The following DLC1 variants were observed in gnomAD, a reference collection of about 807,000 sequenced individuals.
DLC1 encodes the protein DLC1 Rho GTPase activating protein.
A neutral mutation model predicts 140.3 loss-of-function variants in DLC1; 54 were observed. The ratio of observed to expected loss-of-function variants is 0.38; its 90% CI spans 0.31 to 0.48. The LOEUF is 0.48. DLC1 is among the 20% of genes least tolerant of loss of function. The pLI is 0.96. For synonymous variants in DLC1, 986 were observed against 728.1 expected, an observed-to-expected ratio of 1.35 and a Z score of -5.70; for missense variants, 2,536 against 1,907.0, an observed-to-expected ratio of 1.33 and a Z score of -6.14.
At chr8:13,287,534 G>A (rs1831575910) in intron 5 of DLC1, among the ~76,000 whole-genome samples, 1 of 152,156 alleles carries the variant, frequency 6.6e-6, no homozygotes, top group Non-Finnish European at 1.5e-5. Flanking sequence ...ACTGTTTTGT[G>A]AAGTTTAAAA....
intron 5 of DLC1, among the ~76,000 whole-genome samples, chr8:13,202,529 C>T (rs951445324): frequency 6.6e-6 from 1 of 152,170 alleles, no homozygotes; most frequent in Non-Finnish European, 1.5e-5. Context: ...TGCAGAATTT[C>T]TAAGCCTGCC....
intron 2 of DLC1, among the ~76,000 whole-genome samples, chr8:13,411,389 A>G (rs945004175): frequency 6.6e-6 from 1 of 152,178 alleles, no homozygotes; most frequent in African/African-American, 2.4e-5. Flanking sequence ...AAGGCTACCA[A>G]GAAGGAAGGG....
intron 3 of DLC1, among the ~76,000 whole-genome samples, chr8:13,398,021 C>T (rs1837125413): frequency 1.6e-5 from 2 of 128,286 alleles, no homozygotes; most frequent in South Asian, 5.1e-4. Flanking sequence ...ATCACAGCTA[C>T]TTGGGAGGCT....
chr8:13,347,268 C>T (rs920801206), intron 4 of DLC1, among the ~76,000 whole-genome samples: 2 of 152,152 alleles, frequency 1.3e-5, no homozygotes. Context: ...CTTTCTAGTC[C>T]ATATCTCTAT....
chr8:13,188,270 A>G (rs766784283), intron 5 of DLC1, among the ~76,000 whole-genome samples: 4 of 151,124 alleles, frequency 2.6e-5, no homozygotes, highest in Non-Finnish European at 4.4e-5. Context: ...TTAGTAGAGA[A>G]GGGGTTTCAC....
intron 4 of DLC1, among the ~76,000 whole-genome samples, chr8:13,381,096 G>A (rs892188284): frequency 6.6e-6 from 1 of 152,178 alleles, no homozygotes; most frequent in Non-Finnish European, 1.5e-5. Context: ...GACCTGGCTT[G>A]TTGGGGTGTC....
chr8:13,141,128 G>A (rs1289005634), intron 5 of DLC1, among the ~76,000 whole-genome samples: 2 of 151,944 alleles, frequency 1.3e-5, no homozygotes, highest in Non-Finnish European at 2.9e-5. Flanking sequence ...GGTGGCGCAT[G>A]CCTGTAATTC....
chr8:13,555,931 G>T (rs775223691), intron 1 of DLC1, among the ~76,000 whole-genome samples: 1 of 152,018 alleles, frequency 6.6e-6, no homozygotes, highest in Admixed American at 6.6e-5. Context: ...TAAAGGTTTT[G>T]TAATACTAAC....
At chr8:13,501,059 T>A (rs900213375) in intron 1 of DLC1, among the ~76,000 whole-genome samples, 1 of 152,182 alleles carries the variant, frequency 6.6e-6, no homozygotes, top group African/African-American at 2.4e-5. Flanking sequence ...CCCACATAAC[T>A]TTAGTATGTG....
At chr8:13,266,729 A>G (rs888254383) in intron 5 of DLC1, among the ~76,000 whole-genome samples, 2 of 152,156 alleles carry the variant, frequency 1.3e-5, no homozygotes, top group Admixed American at 1.3e-4. Context: ...TGGGCAATAG[A>G]GAAAGACTTA....
intron 5 of DLC1, among the ~76,000 whole-genome samples, chr8:13,301,111 G>A (rs1042571458): frequency 2.0e-5 from 3 of 151,992 alleles, no homozygotes; most frequent in African/African-American, 7.3e-5. Flanking sequence ...GGATACAGGA[G>A]GATAATGGAA....
chr8:13,091,684 G>C (rs1432456771), intron 13 of DLC1, among the ~76,000 whole-genome samples: 2 of 152,070 alleles, frequency 1.3e-5, no homozygotes, highest in Non-Finnish European at 2.9e-5. Context: ...AATTAAATAG[G>C]TTCCTACTGG....
chr8:13,507,912 T>A (rs1802174012), intron 1 of DLC1, among the ~76,000 whole-genome samples: 1 of 152,172 alleles, frequency 6.6e-6, no homozygotes. Context: ...AAGAAATAGG[T>A]ACCCAGCTGA....
chr8:13,408,961 C>CA (rs1271709511), intron 2 of DLC1, among the ~76,000 whole-genome samples: 5 of 151,450 alleles, frequency 3.3e-5, no homozygotes, highest in Non-Finnish European at 5.9e-5. Flanking sequence ...CCATGAACAA[C>CA]AAAAAAAGAC....
chr8:13,314,759 A>G (rs531968259), intron 4 of DLC1, among the ~76,000 whole-genome samples: 1 of 152,348 alleles, frequency 6.6e-6, no homozygotes, highest in African/African-American at 2.4e-5. Flanking sequence ...CTTAAATGAT[A>G]TACATAAATC....
At chr8:13,232,981 T>C (rs531799298) in intron 5 of DLC1, among the ~76,000 whole-genome samples, 1 of 152,268 alleles carries the variant, frequency 6.6e-6, no homozygotes, top group Admixed American at 6.5e-5. Flanking sequence ...ACAAAAGGAA[T>C]CATTAAAAAT....
intron 1 of DLC1, among the ~76,000 whole-genome samples, chr8:13,588,226 A>G (rs1464027586): frequency 6.6e-6 from 1 of 152,140 alleles, no homozygotes; most frequent in East Asian, 1.9e-4. Context: ...TTAAAAAAAT[A>G]GACAAACCCT....
intron 4 of DLC1, among the ~76,000 whole-genome samples, chr8:13,380,198 C>T (rs1354285930): frequency 6.6e-6 from 1 of 152,158 alleles, no homozygotes; most frequent in African/African-American, 2.4e-5. Flanking sequence ...GTCATAAAGA[C>T]CACAAATAAG....
chr8:13,258,136 G>C (rs1186134416), intron 5 of DLC1, among the ~76,000 whole-genome samples: 1 of 152,080 alleles, frequency 6.6e-6, no homozygotes, highest in Non-Finnish European at 1.5e-5. Flanking sequence ...CAAGTGCAAG[G>C]GTAAGAGAAA....
Sources: allele counts gnomAD v4.1 joint callset (sites outside exome capture counted in the v4.1 genomes callset), GRCh38; gene constraint gnomAD v4.1.1; transcripts MANE v1.5; gene names NCBI Gene and HGNC (gene_info 2026-07-23, HGNC 2026-07-21).